ARHGEF12: variants seen among roughly 807,000 people sequenced by gnomAD.
ARHGEF12 encodes Rho guanine nucleotide exchange factor 12.
Under a neutral mutation model 211.2 loss-of-function variants are expected in ARHGEF12, and 66 were observed. The observed-to-expected ratio is 0.31, with a 90% CI of 0.26 to 0.38. The LOEUF is 0.38. ARHGEF12 is among the 10% of genes least tolerant of loss of function. The probability of loss-of-function intolerance (pLI) is 1.00; values close to 1 mark genes in which losing one functional copy is unlikely to be tolerated. For synonymous variants in ARHGEF12, 592 were observed against 638.4 expected (o/e 0.93, Z 1.09); for missense variants, 1,429 against 1,869.5 (o/e 0.76, Z 4.34).
At position 120,446,996 on chromosome 11, in the gene ARHGEF12, A is replaced by G. The variant is rs147206488; in HGVS notation, c.1500A>G (p.Lys500=). ...CCTTGGCTGAAAGCGAGCTGACTAA[A>G]CTTGATGCAGAGCGAGACAAGGACC... ...GLTLAESELT[K]LDAERDKDRL... The change falls in exon 18 of 41, where the codon AAA becomes AAG. Residue 500 remains lysine, a synonymous_variant. Transcript: ENST00000397843. 1.2e-5 allele frequency: 20 copies of G among 1,614,090 alleles called. No individual in the cohort carries two copies. The highest frequency in any genetic ancestry group is 1.7e-5 in the Admixed American group (1 of 60,012).
chr11:120,459,473 A>G (rs986486734), intron 26 of ARHGEF12, 153 bp downstream of exon 26: 2 of 816,552 alleles, frequency 2.4e-6, no homozygotes, highest in Non-Finnish European at 3.6e-6. Flanking sequence ...CTTTGACTAG[A>G]TCCTTTTCCT....
chr11:120,351,341 CAAAAAAAAA>C (rs35596601), intron 1 of ARHGEF12, among the ~76,000 whole-genome samples: 1 of 18,692 alleles, frequency 5.3e-5, no homozygotes, highest in Non-Finnish European at 8.3e-5. Context: ...GACTCCGTCT[CAAAAAAAAA>C]AAAAAAAAAA....
intron 1 of ARHGEF12, among the ~76,000 whole-genome samples, chr11:120,401,830 AT>A (rs1357534109): frequency 1.3e-5 from 2 of 152,190 alleles, no homozygotes; most frequent in African/African-American, 4.8e-5. Flanking sequence ...CTGGCTTTGA[AT>A]TATATATTTC....
intron 4 of ARHGEF12, among the ~76,000 whole-genome samples, chr11:120,416,615 C>T (rs1945034739): frequency 6.6e-6 from 1 of 152,182 alleles, no homozygotes; most frequent in African/African-American, 2.4e-5. Context: ...AAACTACTTT[C>T]CTTGTTTGCT....
chr11:120,479,345 A>G (rs1261229181), intron 37 of ARHGEF12, among the ~76,000 whole-genome samples: 1 of 152,220 alleles, frequency 6.6e-6, no homozygotes, highest in African/African-American at 2.4e-5. Flanking sequence ...AATATTTTTT[A>G]TACCTTCTCC....
intron 7 of ARHGEF12, among the ~76,000 whole-genome samples, chr11:120,425,015 C>G (rs1317360963): frequency 6.6e-6 from 1 of 152,200 alleles, no homozygotes; most frequent in African/African-American, 2.4e-5. Flanking sequence ...GGACTTAGTT[C>G]TCTGTGGAGA....
intron 37 of ARHGEF12, among the ~76,000 whole-genome samples, chr11:120,479,688 A>G (rs964042722): frequency 6.6e-6 from 1 of 152,206 alleles, no homozygotes; most frequent in Non-Finnish European, 1.5e-5. Flanking sequence ...AAATAGTAGT[A>G]TCTCCCTATT....
intron 1 of ARHGEF12, among the ~76,000 whole-genome samples, chr11:120,371,203 T>C (rs1174555151): frequency 6.6e-6 from 1 of 152,196 alleles, no homozygotes; most frequent in African/African-American, 2.4e-5. Context: ...AACTGTATCT[T>C]TAGGGCTGGG....
intron 1 of ARHGEF12, among the ~76,000 whole-genome samples, chr11:120,340,412 T>A (rs1942496965): frequency 6.6e-6 from 1 of 152,234 alleles, no homozygotes; most frequent in Non-Finnish European, 1.5e-5. Context: ...TTTTGTAGTT[T>A]TTGATTTATA....
rs115994489 is a variant in ARHGEF12 at position 120,372,811 on chromosome 11, C to T, written c.33-33307C>T. 5.8e-3 allele frequency among the ~76,000 whole-genome samples: 884 copies of T among 152,174 alleles called. 5 individuals are homozygous for T. The highest frequency in any genetic ancestry group is 0.019 in the African/African-American group (803 of 41,516). ...ACCTTAGCTTTTGTCTCTTTATCCC[C>T]AATATCTCTTATCATGTCTACTTCA... On this transcript the variant is annotated intron_variant, in intron 1 of 40. Transcript: ENST00000397843.
At chr11:120,379,305 CT>C (rs1017953814) in intron 1 of ARHGEF12, among the ~76,000 whole-genome samples, 38 of 151,574 alleles carry the variant, frequency 2.5e-4, no homozygotes, top group Non-Finnish European at 4.0e-4. Context: ...CTTTTTGGTG[CT>C]TTTTTTATAT....
intron 39 of ARHGEF12, among the ~76,000 whole-genome samples, chr11:120,483,444 A>C (rs1177286590): frequency 7.6e-6 from 1 of 131,864 alleles, no homozygotes; most frequent in African/African-American, 2.9e-5. Flanking sequence ...TTTTTTTTTA[A>C]ATGGAGTCTC....
chr11:120,429,986 A>T (rs148932401), intron 10 of ARHGEF12, among the ~76,000 whole-genome samples, 155 bp downstream of exon 10: 3,197 of 152,318 alleles, frequency 0.021, 52 homozygotes, highest in Non-Finnish European at 0.032. Context: ...GTAATGATTA[A>T]CAAAAATAAA....
intron 1 of ARHGEF12, among the ~76,000 whole-genome samples, chr11:120,341,652 A>G (rs893762852): frequency 2.0e-5 from 3 of 152,218 alleles, no homozygotes; most frequent in South Asian, 2.1e-4. Context: ...ACTCTTTTGC[A>G]TCATGGTTGT....
intron 14 of ARHGEF12, 64 bp downstream of exon 14, chr11:120,441,881 T>C (rs1565484313): frequency 8.4e-6 from 12 of 1,428,576 alleles, no homozygotes; most frequent in Non-Finnish European, 1.2e-5. Flanking sequence ...CATAGAACTT[T>C]TCCTAGCTAT....
rs542747343 is a variant in ARHGEF12, at chr11:120,489,801, A to T, written c.*4724A>T. On this transcript the variant is annotated 3_prime_UTR_variant, in exon 41 of 41. Coordinates refer to ENST00000397843, the MANE Select transcript of ARHGEF12 (RefSeq NM_015313.3). Reference sequence around the variant, plus strand: ...TATGCCTGGCTTTGTTTACAAACATATATCTATATCTATATATATAGATAC... The same window carrying T: ...TATGCCTGGCTTTGTTTACAAACATTTATCTATATCTATATATATAGATAC... The T allele has an allele frequency of 1.1e-5, 2 of 187,942 alleles. No homozygotes were observed. Among genetic ancestry groups the T allele is most frequent in the Admixed American group, 1.2e-4 (2 of 16,140 alleles). 11.6% of individuals were successfully genotyped at this position (187,942 alleles called of 1,614,324 possible). A position where few individuals can be genotyped will look rare whatever the true frequency, so the allele number is the denominator to read the frequency against.
At chr11:120,407,935 C>T in intron 3 of ARHGEF12, 112 bp downstream of exon 3, 1 of 820,236 alleles carries the variant, frequency 1.2e-6, no homozygotes, top group Non-Finnish European at 1.9e-6. Context: ...TTTTAGGACT[C>T]TCACATTCCT....
intron 1 of ARHGEF12, among the ~76,000 whole-genome samples, chr11:120,357,302 C>G (rs1943156955): frequency 6.6e-6 from 1 of 152,060 alleles, no homozygotes; most frequent in Non-Finnish European, 1.5e-5. Flanking sequence ...CCCCAGCCTG[C>G]ATGCACTCTT....
chr11:120,418,391 T>C (rs1945090983), intron 4 of ARHGEF12, among the ~76,000 whole-genome samples: 1 of 152,244 alleles, frequency 6.6e-6, no homozygotes. Flanking sequence ...GTTGTATGAG[T>C]AGTCCTTTTC....
Sources: gnomAD v4.1 joint callset for allele counts (sites outside exome capture counted in the v4.1 genomes callset) on GRCh38, gnomAD v4.1.1 for gene constraint, MANE v1.5 for transcripts, NCBI Gene and HGNC (gene_info 2026-07-23, HGNC 2026-07-21) for gene names.